CXXC5: variants seen among roughly 807,000 people sequenced by gnomAD.
CXXC5 encodes the protein CXXC finger protein 5, also known as CXXC-type zinc finger protein 5.
Under a neutral mutation model 17.6 loss-of-function variants are expected in CXXC5, and 2 were observed. The ratio of observed to expected loss-of-function variants is 0.11; its 90% CI spans 0.05 to 0.36. The LOEUF (loss-of-function observed/expected upper bound fraction) is 0.36, where lower values mean the gene tolerates loss of function less well. Ranked by LOEUF, CXXC5 falls within the 10% of genes least tolerant of loss-of-function variation. The probability of loss-of-function intolerance (pLI) is 1.00; values close to 1 mark genes in which losing one functional copy is unlikely to be tolerated. For synonymous variants in CXXC5, 171 were observed against 193.0 expected (o/e 0.89, Z 0.94); for missense variants, 343 against 458.3 (o/e 0.75, Z 2.30).
At chr5:139,676,238 C>T (rs1354772216) in intron 1 of CXXC5, among the ~76,000 whole-genome samples, 1 of 96,296 alleles carries the variant, frequency 1.0e-5, no homozygotes, top group Non-Finnish European at 2.1e-5. Context: ...TCTTGCCACC[C>T]TCCTCCCCAC....
At chr5:139,681,708 G>A (rs1757248746) in intron 2 of CXXC5, among the ~76,000 whole-genome samples, 2 of 152,356 alleles carry the variant, frequency 1.3e-5, no homozygotes, top group East Asian at 3.9e-4. Context: ...TTCTCAGCCA[G>A]GCCCTGGGAT....
Position 139,683,069 on chromosome 5 carries a change from G to A in CXXC5, c.*162G>A, listed in dbSNP as rs538937555. 4.4e-5 allele frequency: 23 copies of A among 526,892 alleles called. No homozygotes were observed. The highest frequency in any genetic ancestry group is 3.3e-4 in the Middle Eastern group (1 of 2,988). The allele number at this position is 526,892 out of a possible 1,614,324, so 32.6% of individuals were successfully genotyped here. On this transcript the variant is annotated 3_prime_UTR_variant, in exon 3 of 3. Coordinates refer to ENST00000302517, the MANE Select transcript of CXXC5 (RefSeq NM_016463.9). ...TTTTATATATATATTTTTTGTTGTC[G>A]TTTTAACATCTCCACGTCCCTAGCA... is the stretch of plus-strand genomic sequence containing the variant.
chr5:139,665,957 C>T (rs1262726558), intron 1 of CXXC5, among the ~76,000 whole-genome samples: 2 of 152,260 alleles, frequency 1.3e-5, no homozygotes, highest in Non-Finnish European at 2.9e-5. Context: ...GGTACACTGA[C>T]CCCAGTGTCT....
intron 1 of CXXC5, among the ~76,000 whole-genome samples, chr5:139,669,730 A>G (rs1249908146): frequency 6.6e-6 from 1 of 152,016 alleles, no homozygotes; most frequent in Non-Finnish European, 1.5e-5. Context: ...ACACACACTC[A>G]GCCCCACAGC....
At chr5:139,656,484 T>C (rs912434359) in intron 1 of CXXC5, among the ~76,000 whole-genome samples, 1 of 152,208 alleles carries the variant, frequency 6.6e-6, no homozygotes, top group Admixed American at 6.5e-5. Flanking sequence ...CCCTCACCCA[T>C]GAAAACATGC....
chr5:139,668,521 C>T lies in CXXC5; in HGVS notation c.-160-11843C>T, dbSNP rs1756256606. On this transcript the variant is annotated intron_variant, in intron 1 of 2. Transcript: ENST00000302517. This position sits in a 1 kb window ranked among gnomAD's most constrained non-coding sequence, Gnocchi z 4.1. ...GCCCGCTCCAGGCCCGAGGTGATGG[C>T]GGCTGTTCCTGCCGTTCTGGGGCCT... is the stretch of plus-strand genomic sequence containing the variant. Among the ~76,000 whole-genome samples the T allele has an allele frequency of 6.6e-6, 1 of 152,180 alleles. No individual in the cohort carries two copies. Among genetic ancestry groups the T allele is most frequent in the African/African-American group, 2.4e-5 (1 of 41,448 alleles).
intron 1 of CXXC5, among the ~76,000 whole-genome samples, chr5:139,664,476 A>T (rs920631149): frequency 1.5e-4 from 23 of 152,242 alleles, no homozygotes; most frequent in Non-Finnish European, 2.6e-4. Flanking sequence ...TCCGTGTGTC[A>T]CTTAGCACCA....
intron 1 of CXXC5, among the ~76,000 whole-genome samples, chr5:139,654,893 G>C (rs1421704529): frequency 1.3e-5 from 2 of 152,170 alleles, no homozygotes; most frequent in Non-Finnish European, 2.9e-5. Flanking sequence ...GCCAGGCTGG[G>C]GTAGCGTGGG....
intron 1 of CXXC5, among the ~76,000 whole-genome samples, chr5:139,667,787 T>C (rs1390106812): frequency 6.6e-6 from 1 of 152,162 alleles, no homozygotes; most frequent in Non-Finnish European, 1.5e-5. Flanking sequence ...ATCTTAGTGT[T>C]TGGGGGAGCA....
chr5:139,671,895 C>G (rs1489266075), intron 1 of CXXC5, among the ~76,000 whole-genome samples: 1 of 152,208 alleles, frequency 6.6e-6, no homozygotes, highest in Non-Finnish European at 1.5e-5. Context: ...TCACACAGAC[C>G]TGGGTTTAAA....
At chr5:139,682,681 A>C (rs1757310300) in intron 2 of CXXC5, among the ~76,000 whole-genome samples, 182 bp from the exon 3 acceptor site, 1 of 152,200 alleles carries the variant, frequency 6.6e-6, no homozygotes, top group South Asian at 2.1e-4. Flanking sequence ...GCCTTCCAGC[A>C]GCCCAGCAGG....
intron 1 of CXXC5, among the ~76,000 whole-genome samples, chr5:139,657,071 T>C (rs1438424105): frequency 6.6e-6 from 1 of 152,172 alleles, no homozygotes; most frequent in African/African-American, 2.4e-5. Context: ...TGGTAATGGG[T>C]AGCCCAACGA....
intron 1 of CXXC5, among the ~76,000 whole-genome samples, chr5:139,651,384 G>C (rs1755168804): frequency 2.0e-5 from 3 of 151,822 alleles, no homozygotes; most frequent in Admixed American, 2.0e-4. Flanking sequence ...GGGCTAGGCT[G>C]GGCTGGGCTG....
chr5:139,682,096 G>A (rs990210658), intron 2 of CXXC5, among the ~76,000 whole-genome samples: 2 of 152,252 alleles, frequency 1.3e-5, no homozygotes, highest in African/African-American at 4.8e-5. Flanking sequence ...AGAAGGCAAG[G>A]GGTTCCCATG....
In CXXC5 at chr5:139,676,115, C is replaced by T. The variant is rs549517770; in HGVS notation, c.-160-4249C>T. On this transcript the variant is annotated intron_variant, in intron 1 of 2. Transcript: ENST00000302517. ...AACCCATTACCCCCCACCTCCTCCT[C>T]GGTACTCCCCAGTCCTCCTCCCCAG... Among the ~76,000 whole-genome samples, 22 of 150,712 alleles carry T rather than the reference C, an allele frequency of 1.5e-4. 1 individual carries two copies. The South Asian group carries it at 3.6e-3, about 25-fold the overall frequency.
At chr5:139,678,903 A>C (rs1219063150) in intron 1 of CXXC5, among the ~76,000 whole-genome samples, 1 of 152,180 alleles carries the variant, frequency 6.6e-6, no homozygotes, top group Non-Finnish European at 1.5e-5. Context: ...GCAGACAGGG[A>C]AGCAAGGCTG....
In CXXC5 at chr5:139,671,730, A is replaced by G. The variant is rs184500611; in HGVS notation, c.-160-8634A>G. 3.4e-3 allele frequency among the ~76,000 whole-genome samples: 522 copies of G among 152,358 alleles called. 7 individuals are homozygous for G. Among genetic ancestry groups the G allele is most frequent in the African/African-American group, 0.012 (485 of 41,582 alleles). ...GGGTACAGCTGCAGACTTCTCTGCAACAGGGCCCTGAGAGCCACCCTCCAG... is the reference window on the plus strand; with the variant it reads ...GGGTACAGCTGCAGACTTCTCTGCAGCAGGGCCCTGAGAGCCACCCTCCAG... On this transcript the variant is annotated intron_variant, in intron 1 of 2. Transcript: ENST00000302517.
chr5:139,655,328 T>C (rs1287613344), intron 1 of CXXC5, among the ~76,000 whole-genome samples: 1 of 152,098 alleles, frequency 6.6e-6, no homozygotes, highest in East Asian at 1.9e-4. Context: ...AGTCTCCTGC[T>C]TCCTATGACC....
At chr5:139,653,131 C>T (rs2126741289) in intron 1 of CXXC5, among the ~76,000 whole-genome samples, 1 of 152,344 alleles carries the variant, frequency 6.6e-6, no homozygotes, top group Admixed American at 6.5e-5. Flanking sequence ...AACCCCTACA[C>T]CCCTTCCCTC....
Sources: gnomAD v4.1 joint callset for allele counts (sites outside exome capture counted in the v4.1 genomes callset) on GRCh38, gnomAD v4.1.1 for gene constraint, Gnocchi (gnomAD v3.1) non-coding constraint, MANE v1.5 for transcripts, NCBI Gene and HGNC (gene_info 2026-07-23, HGNC 2026-07-21) for gene names.